The following CLEC12B variants were observed in gnomAD, a reference collection of about 807,000 sequenced individuals.
CLEC12B encodes the protein C-type lectin domain family 12 member B.
Under a neutral mutation model 36.1 loss-of-function variants are expected in CLEC12B, and 25 were observed. The ratio of observed to expected loss-of-function variants is 0.69; its 90% CI spans 0.50 to 0.97. CLEC12B has a LOEUF of 0.97. CLEC12B is among the 50% of genes least tolerant of loss of function. The pLI, the probability that CLEC12B is intolerant of heterozygous loss-of-function variation, is 0.00. For missense variants in CLEC12B, 325 were observed against 318.4 expected, an observed-to-expected ratio of 1.02 and a Z score of -0.16; for synonymous variants, 110 against 108.5, an observed-to-expected ratio of 1.01 and a Z score of -0.09.
At chr12:10,014,984 T>G (rs1475037534) in intron 3 of CLEC12B, among the ~76,000 whole-genome samples, 1 of 152,210 alleles carries the variant, frequency 6.6e-6, no homozygotes, top group Non-Finnish European at 1.5e-5. Flanking sequence ...CTCATTTTAT[T>G]AACTATTTCT....
chr12:10,012,060 T>C (rs1460319985), intron 1 of CLEC12B, among the ~76,000 whole-genome samples: 2 of 152,238 alleles, frequency 1.3e-5, no homozygotes, highest in Non-Finnish European at 2.9e-5. Flanking sequence ...TGCTAACGGC[T>C]TTCTGGTCTA....
chr12:10,015,760 C>G, intron 5 of CLEC12B, 33 bp downstream of exon 5: 3 of 1,605,922 alleles, frequency 1.9e-6, no homozygotes, highest in East Asian at 2.2e-5. Flanking sequence ...TAAACACAAG[C>G]TTTCCATGGA....
chr12:10,017,745 C>G (rs866285478), intron 5 of CLEC12B: 10 of 869,536 alleles, frequency 1.2e-5, no homozygotes, highest in Middle Eastern at 5.8e-4. Context: ...TTAGATCTGA[C>G]AAGTATAATT....
chr12:10,009,561 GAA>G (rs61525971), upstream of CLEC12B, among the ~76,000 whole-genome samples: 2 of 133,298 alleles, frequency 1.5e-5, no homozygotes, highest in Middle Eastern at 4.0e-3. Flanking sequence ...TCATCAATTT[GAA>G]AAAAAAAAAA....
chr12:10,010,874 T>C, intron 1 of CLEC12B, 24 bp downstream of exon 1: 2 of 1,518,144 alleles, frequency 1.3e-6, no homozygotes, highest in South Asian at 1.1e-5. Flanking sequence ...GAAGACCAGC[T>C]GTGTCCTTGG....
Position 10,018,357 on chromosome 12 carries a change from TCAATGG to T in CLEC12B, c.708_713del (p.Asn237_Gly238del), listed in dbSNP as rs1865538286. ...TTTAGTACTAAAGAACTTGACCAGA[TCAATGG>T]ATCCAAAGGATGTGCTTATTTTCAA... On this transcript the variant is annotated inframe_deletion, in exon 6 of 6. Transcript: ENST00000338896. 6.6e-7 allele frequency: 1 copy of T among 1,513,336 alleles called. No homozygotes were observed. The highest frequency in any genetic ancestry group is 1.4e-5 in the African/African-American group (1 of 72,060). 93.7% of individuals were successfully genotyped at this position (1,513,336 alleles called of 1,614,324 possible). A position where few individuals can be genotyped will look rare whatever the true frequency, so the allele number is the denominator to read the frequency against.
At position 10,018,570 on chromosome 12, in the gene CLEC12B, A is replaced by G; in HGVS notation, c.*89A>G. On this transcript the variant is annotated 3_prime_UTR_variant, in exon 6 of 6. Coordinates refer to ENST00000338896, the MANE Select transcript of CLEC12B (RefSeq NM_001129998.3). Reference sequence around the variant, plus strand: ...GAAACTACGGTACCAGAGCCAAACCAGCTTTTAAAATGACTGTGTATTTAC... The same window carrying G: ...GAAACTACGGTACCAGAGCCAAACCGGCTTTTAAAATGACTGTGTATTTAC... 9.5e-7 allele frequency: 1 copy of G among 1,057,634 alleles called. No homozygotes were observed. The allele number at this position is 1,057,634 out of a possible 1,614,324, so 65.5% of individuals were successfully genotyped here.
chr12:10,017,924 A>G (rs978853548), intron 5 of CLEC12B: 43 of 960,444 alleles, frequency 4.5e-5, no homozygotes, highest in Non-Finnish European at 5.3e-5. Flanking sequence ...TTTGTGCATA[A>G]TAAAATGTGA....
At chr12:10,015,916 A>G (rs1865474673) in intron 5 of CLEC12B, 189 bp downstream of exon 5, 3 of 1,392,752 alleles carry the variant, frequency 2.2e-6, no homozygotes, top group Non-Finnish European at 2.8e-6. Context: ...ATAGCAAGGC[A>G]CTGAATTTTA....
intron 5 of CLEC12B, chr12:10,015,936 A>C: frequency 1.5e-6 from 2 of 1,371,662 alleles, no homozygotes; most frequent in East Asian, 2.7e-5. Context: ...ATCTTTTGGT[A>C]GAAATGTGTT....
At chr12:10,010,200 TCACACACACACACA>T (rs3053772), upstream of CLEC12B, among the ~76,000 whole-genome samples, 65 of 145,910 alleles carry the variant, frequency 4.5e-4, no homozygotes, top group African/African-American at 1.4e-3. Context: ...TGTCTCTCTC[TCACACACACACACA>T]CACACACACA....
chr12:10,017,259 CACAA>C (rs1865509156), intron 5 of CLEC12B: 1 of 985,154 alleles, frequency 1.0e-6, no homozygotes, highest in African/African-American at 1.7e-5. Flanking sequence ...CAGAGTAATA[CACAA>C]ACAAAAAAAG....
upstream of CLEC12B, chr12:10,010,533 T>A (rs112140030): frequency 6.7e-5 from 24 of 355,908 alleles, no homozygotes; most frequent in African/African-American, 3.6e-4. Flanking sequence ...CAGTTTGAGA[T>A]CTGTAACATT....
At chr12:10,017,688 G>A (rs773772117) in intron 5 of CLEC12B, 103 of 941,170 alleles carry the variant, frequency 1.1e-4, no homozygotes, top group Non-Finnish European at 1.2e-4. Context: ...ATATGGCAGT[G>A]TAATGCAGGT....
At chr12:10,010,200 TCACACACA>T (rs3053772), upstream of CLEC12B, among the ~76,000 whole-genome samples, 671 of 145,900 alleles carry the variant, frequency 4.6e-3, 3 homozygotes, top group African/African-American at 0.014. Flanking sequence ...TGTCTCTCTC[TCACACACA>T]CACACACACA....
At position 10,018,472 on chromosome 12, in the gene CLEC12B, T is replaced by C. The variant is rs747682830; in HGVS notation, c.822T>C (p.Asp274=). ...CAGCTGCCCCAGTGAAGACTGAGGATTTGGATTAGTATGCTTCTTCCAAAT... is the reference window on the plus strand; with the variant it reads ...CAGCTGCCCCAGTGAAGACTGAGGACTTGGATTAGTATGCTTCTTCCAAAT... ...EKTAAPVKTE[D]LD The change falls in exon 6 of 6, where the codon GAT becomes GAC. Residue 274 remains aspartate, a synonymous_variant. Coordinates refer to ENST00000338896, the MANE Select transcript of CLEC12B (RefSeq NM_001129998.3). The C allele has an allele frequency of 2.6e-6, 4 of 1,550,488 alleles. No individual in the cohort carries two copies. Among genetic ancestry groups the C allele is most frequent in the Non-Finnish European group, 3.5e-6 (4 of 1,146,514 alleles).
chr12:10,017,834 TAG>T (rs1195563083), intron 5 of CLEC12B: 7 of 961,940 alleles, frequency 7.3e-6, no homozygotes, highest in Non-Finnish European at 8.7e-6. Flanking sequence ...CATATCTATA[TAG>T]TCAATCATTT....
Position 10,012,819 on chromosome 12 carries a change from T to A in CLEC12B, c.126T>A (p.Ala42=), listed in dbSNP as rs143693948. The change falls in exon 2 of 6, where the codon GCT becomes GCA. Residue 42 remains alanine (A), a synonymous_variant. Transcript: ENST00000338896. ...HPAPSPIWRH[A]ALGLVTLCLM... ...CTCCATCTCCCATTTGGCGTCATGC[T>A]GCTCTGGGTCTGGTAACTCTTTGCC... is the stretch of plus-strand genomic sequence containing the variant. 2 of 1,613,718 alleles carry A rather than the reference T, an allele frequency of 1.2e-6. No individual in the cohort carries two copies. The highest frequency in any genetic ancestry group is 1.7e-6 in the Non-Finnish European group (2 of 1,179,896).
rs371967564 is a variant in CLEC12B, at chr12:10,014,754, A to G, written c.409+13A>G. 9 of 1,587,212 alleles carry G rather than the reference A, an allele frequency of 5.7e-6. No individual in the cohort carries two copies. The highest frequency in any genetic ancestry group is 1.7e-5 in the Admixed American group (1 of 59,798). On this transcript the variant is annotated intron_variant, in intron 3 of 5. Coordinates refer to ENST00000338896, the MANE Select transcript of CLEC12B (RefSeq NM_001129998.3). ...ATTCATACTTCAGGTAATCAGACTT[A>G]GTCCTGCTGACCAGTCAGATGGCAT... is the stretch of plus-strand genomic sequence containing the variant.
Sources: gnomAD v4.1 joint callset for allele counts (sites outside exome capture counted in the v4.1 genomes callset) on GRCh38, gnomAD v4.1.1 for gene constraint, MANE v1.5 for transcripts, NCBI Gene and HGNC (gene_info 2026-07-23, HGNC 2026-07-21) for gene names.